OPCML: variants seen among roughly 807,000 people sequenced by gnomAD.
The protein encoded by OPCML is opioid-binding protein/cell adhesion molecule.
OPCML carries 13 observed loss-of-function variants against 37.8 expected under a neutral mutation model. The ratio of observed to expected loss-of-function variants is 0.34; its 90% CI spans 0.22 to 0.55. OPCML has a LOEUF of 0.55. Among genes scored for constraint, OPCML ranks in the 20% least tolerant of loss-of-function variants. OPCML has a pLI of 0.91. For missense variants in OPCML, 341 were observed against 435.6 expected, an observed-to-expected ratio of 0.78 and a Z score of 1.93; for synonymous variants, 176 against 168.8, an observed-to-expected ratio of 1.04 and a Z score of -0.33.
intron 1 of OPCML, among the ~76,000 whole-genome samples, chr11:133,021,726 A>G (rs1214421832): frequency 6.6e-6 from 1 of 152,258 alleles, no homozygotes; most frequent in African/African-American, 2.4e-5. Flanking sequence ...TAGAGAAGGT[A>G]ATTAAGCCAG....
intron 4 of OPCML, among the ~76,000 whole-genome samples, chr11:132,460,490 G>A (rs1430008785): frequency 6.6e-6 from 1 of 152,164 alleles, no homozygotes; most frequent in Non-Finnish European, 1.5e-5. Flanking sequence ...GAGAACCATT[G>A]CCAAAGTAGA....
At chr11:133,337,667 T>G (rs1015746223) in intron 1 of OPCML, among the ~76,000 whole-genome samples, 1 of 152,176 alleles carries the variant, frequency 6.6e-6, no homozygotes, top group Non-Finnish European at 1.5e-5. Flanking sequence ...AGGGCACTTT[T>G]ACAGCAGACT....
chr11:132,516,391 T>G (rs7936270), intron 4 of OPCML, among the ~76,000 whole-genome samples: 36,430 of 152,096 alleles, frequency 0.24, 4,350 homozygotes, highest in African/African-American at 0.27. Flanking sequence ...GAACTTGTCT[T>G]TGCAAATCTC....
At chr11:132,681,414 G>A (rs75011913) in intron 2 of OPCML, among the ~76,000 whole-genome samples, 1,980 of 152,238 alleles carry the variant, frequency 0.013, 32 homozygotes, top group African/African-American at 0.035. Context: ...GTTCGACATG[G>A]GAGAGAAGCA....
chr11:133,019,763 G>A lies in OPCML; in HGVS notation c.62-76753C>T, dbSNP rs113197490. Among the ~76,000 whole-genome samples the A allele has an allele frequency of 9.2e-3, 1,407 of 152,182 alleles. 14 individuals are homozygous for A. The highest frequency in any genetic ancestry group is 0.031 in the Middle Eastern group (9 of 294). On this transcript the variant is annotated intron_variant, in intron 1 of 7. Coordinates refer to ENST00000524381, the MANE Select transcript of OPCML (RefSeq NM_001012393.5). ...TCCCTATGGGCACAGAGTGAAGCGCGCATATGCCAGGGCTTCCTTCTAGGA... is the reference window on the plus strand; with the variant it reads ...TCCCTATGGGCACAGAGTGAAGCGCACATATGCCAGGGCTTCCTTCTAGGA...
chr11:133,138,072 G>A (rs1949717512), intron 1 of OPCML, among the ~76,000 whole-genome samples: 1 of 152,072 alleles, frequency 6.6e-6, no homozygotes, highest in Non-Finnish European at 1.5e-5. Flanking sequence ...TGGGTCCTGG[G>A]GGTGGATTCC....
At position 133,316,702 on chromosome 11, in the gene OPCML, T is replaced by C. The variant is rs529004172; in HGVS notation, c.61+215562A>G. On this transcript the variant is annotated intron_variant, in intron 1 of 7. Coordinates refer to ENST00000524381, the MANE Select transcript of OPCML (RefSeq NM_001012393.5). ...TAACCCCTGGTCTTAAACATCTAGC[T>C]TTTTGGTTTTGTTTGTGTTAATATG... Among the ~76,000 whole-genome samples, 15 of 152,300 alleles carry C rather than the reference T, an allele frequency of 9.8e-5. 1 individual carries two copies. In the South Asian group the frequency reaches 3.1e-3, roughly 32 times the overall value.
chr11:132,512,556 A>G (rs2096271075), intron 4 of OPCML, among the ~76,000 whole-genome samples: 1 of 152,048 alleles, frequency 6.6e-6, no homozygotes, highest in Admixed American at 6.6e-5. Context: ...AATAAAACTC[A>G]AAAGGTGAGT....
intron 1 of OPCML, among the ~76,000 whole-genome samples, chr11:133,140,322 G>T (rs1471627347): frequency 6.7e-6 from 1 of 149,906 alleles, no homozygotes; most frequent in Admixed American, 6.7e-5. Context: ...GACCAGCCTA[G>T]CCAATGTGGT....
intron 2 of OPCML, among the ~76,000 whole-genome samples, chr11:132,743,237 C>A (rs1026149780): frequency 1.3e-5 from 2 of 152,218 alleles, no homozygotes; most frequent in Middle Eastern, 3.4e-3. Context: ...GTTATTACTT[C>A]ATTATTCAAC....
chr11:132,784,646 C>T (rs534788404), intron 2 of OPCML, among the ~76,000 whole-genome samples: 3 of 152,166 alleles, frequency 2.0e-5, no homozygotes, highest in South Asian at 2.1e-4. Flanking sequence ...GGGCCTGGTG[C>T]GAGGTGTCTG....
intron 3 of OPCML, among the ~76,000 whole-genome samples, chr11:132,641,385 C>T (rs933205979): frequency 6.6e-6 from 1 of 152,190 alleles, no homozygotes; most frequent in Non-Finnish European, 1.5e-5. Flanking sequence ...TGCAAGAGAT[C>T]CCAGGTCAGG....
At chr11:132,462,798 C>T (rs899094989) in intron 4 of OPCML, among the ~76,000 whole-genome samples, 1 of 152,104 alleles carries the variant, frequency 6.6e-6, no homozygotes, top group African/African-American at 2.4e-5. Context: ...TGGCTGGTAA[C>T]CGTGCCTGGA....
intron 2 of OPCML, among the ~76,000 whole-genome samples, chr11:132,714,714 A>G (rs1002016381): frequency 4.6e-5 from 7 of 152,184 alleles, no homozygotes; most frequent in African/African-American, 1.7e-4. Context: ...GGCCTTGCAA[A>G]TTAGCACCCC....
At chr11:133,328,538 T>A (rs1425856111) in intron 1 of OPCML, among the ~76,000 whole-genome samples, 1 of 152,128 alleles carries the variant, frequency 6.6e-6, no homozygotes, top group African/African-American at 2.4e-5. Flanking sequence ...AAAACCTCAG[T>A]TTTCATCATT....
intron 2 of OPCML, among the ~76,000 whole-genome samples, chr11:132,699,033 A>T (rs1057047863): frequency 8.6e-5 from 13 of 151,640 alleles, no homozygotes; most frequent in African/African-American, 2.4e-4. Context: ...GTCATCTTTA[A>T]TTTTTTTCAT....
At chr11:133,088,677 G>T (rs1465365980) in intron 1 of OPCML, among the ~76,000 whole-genome samples, 1 of 152,174 alleles carries the variant, frequency 6.6e-6, no homozygotes, top group Non-Finnish European at 1.5e-5. Flanking sequence ...ATAACTTTCT[G>T]CAACAAGACT....
intron 2 of OPCML, among the ~76,000 whole-genome samples, chr11:132,686,892 G>T (rs575675404): frequency 6.6e-6 from 1 of 152,212 alleles, no homozygotes; most frequent in East Asian, 1.9e-4. Flanking sequence ...AAAGAGAAAA[G>T]GCCGTGGCAC....
intron 2 of OPCML, among the ~76,000 whole-genome samples, chr11:132,664,283 T>C (rs1265998156): frequency 6.6e-6 from 1 of 152,208 alleles, no homozygotes; most frequent in African/African-American, 2.4e-5. Context: ...TAGTTACCAC[T>C]GGAAATCCAT....
Sources: gnomAD v4.1 joint callset for allele counts (sites outside exome capture counted in the v4.1 genomes callset) on GRCh38, gnomAD v4.1.1 for gene constraint, MANE v1.5 for transcripts, NCBI Gene and HGNC (gene_info 2026-07-23, HGNC 2026-07-21) for gene names.